MAGI3: variants seen among roughly 807,000 people sequenced by gnomAD.
The protein encoded by MAGI3 is membrane associated guanylate kinase, WW and PDZ domain containing 3, also known as membrane-associated guanylate kinase, WW and PDZ domain-containing protein 3.
MAGI3 carries 43 observed loss-of-function variants against 121.8 expected under a neutral mutation model. The ratio of observed to expected loss-of-function variants is 0.35; its 90% CI spans 0.28 to 0.46. The LOEUF is 0.46. MAGI3 is among the 20% of genes least tolerant of loss of function. The pLI is 1.00. For missense variants in MAGI3, 1,547 were observed against 1,797.3 expected (o/e 0.86, Z 2.52); for synonymous variants, 553 against 639.3 (o/e 0.86, Z 2.04).
At chr1:113,563,308 C>G (rs949228819) in intron 2 of MAGI3, among the ~76,000 whole-genome samples, 1 of 152,154 alleles carries the variant, frequency 6.6e-6, no homozygotes, top group African/African-American at 2.4e-5. Flanking sequence ...TACCCATTGC[C>G]TCTTGGCTAT....
intron 5 of MAGI3, 119 bp downstream of exon 5, chr1:113,590,777 T>C (rs1648652746): frequency 1.1e-6 from 1 of 898,338 alleles, no homozygotes. Flanking sequence ...TTTTCTTTCT[T>C]TAAAAATATT....
intron 1 of MAGI3, among the ~76,000 whole-genome samples, chr1:113,447,854 CAA>C (rs141135630): frequency 6.9e-6 from 1 of 144,594 alleles, no homozygotes. Context: ...GACTGTGTCT[CAA>C]AAAAAAAAAA....
chr1:113,414,850 A>G lies in MAGI3; in HGVS notation c.316+23501A>G, dbSNP rs532877555. ...GGGTTAATTTATTTCAATCCAAGCT[A>G]ACATATATTACTAAAGCAGATTTAA... On this transcript the variant is annotated intron_variant, in intron 1 of 20. Coordinates refer to ENST00000307546, the MANE Select transcript of MAGI3 (RefSeq NM_001142782.2). 4.6e-5 allele frequency among the ~76,000 whole-genome samples: 7 copies of G among 152,218 alleles called. No homozygotes were observed. The South Asian group carries it at 8.3e-4, about 18-fold the overall frequency.
chr1:113,465,944 A>G (rs2101528512), intron 1 of MAGI3, among the ~76,000 whole-genome samples: 1 of 152,226 alleles, frequency 6.6e-6, no homozygotes, highest in South Asian at 2.1e-4. Flanking sequence ...TTGTCTGCAA[A>G]CAAGACTAAT....
chr1:113,565,771 C>T (rs1660413407), intron 2 of MAGI3, among the ~76,000 whole-genome samples: 1 of 152,158 alleles, frequency 6.6e-6, no homozygotes, highest in South Asian at 2.1e-4. Context: ...AGACCCACCA[C>T]TAGCAGATAT....
In MAGI3 at chr1:113,391,150, T is replaced by A; in HGVS notation, c.117T>A (p.Arg39=). 4.5e-6 allele frequency: 7 copies of A among 1,561,110 alleles called. No individual in the cohort carries two copies. Among genetic ancestry groups the A allele is most frequent in the Non-Finnish European group, 5.2e-6 (6 of 1,153,226 alleles). ...CGGAGATCCGCGGTGGCGCGGAGCG[T>A]GGCGAGTTCCCCTACCTGGGGCGGC... is the stretch of plus-strand genomic sequence containing the variant. ...FGAEIRGGAE[R]GEFPYLGRLR... Residue 39 remains arginine, a synonymous_variant, in exon 1 of 21, where the codon CGT becomes CGA. Transcript: ENST00000307546. The surrounding 1 kb of genome is among the most constrained non-coding windows in gnomAD (Gnocchi z 4.4).
chr1:113,639,046 C>T (rs1353306173), intron 9 of MAGI3, among the ~76,000 whole-genome samples: 1 of 151,894 alleles, frequency 6.6e-6, no homozygotes, highest in African/African-American at 2.4e-5. Flanking sequence ...CCAGGTGCGG[C>T]ATATAATCTC....
At chr1:113,514,542 G>T (rs533599523) in intron 1 of MAGI3, among the ~76,000 whole-genome samples, 1 of 150,898 alleles carries the variant, frequency 6.6e-6, no homozygotes, top group Non-Finnish European at 1.5e-5. Flanking sequence ...ACCAAACACC[G>T]CATATTCTCA....
At position 113,579,322 on chromosome 1, in the gene MAGI3, A is replaced by G. The variant is rs547756799; in HGVS notation, c.434-1220A>G. The stretch of plus-strand genomic sequence containing the variant: ...CTGAGGTGAGAGTGGGAAAGGGAGT[A>G]GGAAGTCCTCTGGGGACATGACAAC... On this transcript the variant is annotated intron_variant, in intron 2 of 20. Coordinates refer to ENST00000307546, the MANE Select transcript of MAGI3 (RefSeq NM_001142782.2). Among the ~76,000 whole-genome samples, 68 of 152,330 alleles carry G rather than the reference A, an allele frequency of 4.5e-4. 1 individual carries two copies. The South Asian group carries it at 0.013, about 30-fold the overall frequency.
chr1:113,472,075 G>T (rs768593942), intron 1 of MAGI3, among the ~76,000 whole-genome samples: 1 of 152,060 alleles, frequency 6.6e-6, no homozygotes, highest in African/African-American at 2.4e-5. Context: ...TTTGTCTGAC[G>T]TAAGAATAGC....
chr1:113,525,486 A>G (rs1658408337), intron 1 of MAGI3, among the ~76,000 whole-genome samples: 1 of 151,994 alleles, frequency 6.6e-6, no homozygotes. Flanking sequence ...TTGTTAAATT[A>G]TATTTCCTCT....
At chr1:113,676,689 C>G (rs1647885474) in intron 19 of MAGI3, among the ~76,000 whole-genome samples, 1 of 152,064 alleles carries the variant, frequency 6.6e-6, no homozygotes. Flanking sequence ...TGGCCGCTGT[C>G]CAAATGATAA....
intron 1 of MAGI3, among the ~76,000 whole-genome samples, chr1:113,546,291 T>C (rs1265678607): frequency 1.3e-5 from 2 of 152,222 alleles, no homozygotes; most frequent in African/African-American, 4.8e-5. Flanking sequence ...AAAAGTGTGA[T>C]AACTTTTTTG....
chr1:113,454,876 T>C (rs193060281), intron 1 of MAGI3, among the ~76,000 whole-genome samples: 135 of 152,236 alleles, frequency 8.9e-4, no homozygotes, highest in South Asian at 3.7e-3. Context: ...CTTATCAACC[T>C]TGAAAAAGGG....
intron 1 of MAGI3, among the ~76,000 whole-genome samples, chr1:113,423,639 G>A (rs1428413437): frequency 6.6e-6 from 1 of 152,090 alleles, no homozygotes; most frequent in Non-Finnish European, 1.5e-5. Flanking sequence ...GCAGCCATGG[G>A]TAGGCCTGGA....
intron 6 of MAGI3, among the ~76,000 whole-genome samples, chr1:113,611,870 C>A (rs936076743): frequency 9.9e-5 from 15 of 152,134 alleles, no homozygotes; most frequent in African/African-American, 3.6e-4. Context: ...TGGAAAATAC[C>A]AAGCATTCTT....
At chr1:113,595,691 C>T (rs1648954940) in intron 6 of MAGI3, among the ~76,000 whole-genome samples, 1 of 152,126 alleles carries the variant, frequency 6.6e-6, no homozygotes, top group Non-Finnish European at 1.5e-5. Flanking sequence ...GAACAATGTG[C>T]AAGTTCTCAA....
At chr1:113,602,210 C>T (rs1330686472) in intron 6 of MAGI3, among the ~76,000 whole-genome samples, 1 of 151,842 alleles carries the variant, frequency 6.6e-6, no homozygotes, top group African/African-American at 2.4e-5. Flanking sequence ...TACCCTAAAA[C>T]TTAAAGTATA....
intron 1 of MAGI3, among the ~76,000 whole-genome samples, chr1:113,534,760 ATTTAT>A (rs1285076343): frequency 6.6e-6 from 1 of 151,862 alleles, no homozygotes; most frequent in Non-Finnish European, 1.5e-5. Flanking sequence ...TCTTCGTTTT[ATTTAT>A]TTTAAGGGAG....
Sources: allele counts gnomAD v4.1 joint callset (sites outside exome capture counted in the v4.1 genomes callset), GRCh38; gene constraint gnomAD v4.1.1; non-coding constraint Gnocchi (gnomAD v3.1); transcripts MANE v1.5; gene names NCBI Gene and HGNC (gene_info 2026-07-23, HGNC 2026-07-21).